The following ERC2 variants were observed in gnomAD, a reference collection of about 807,000 sequenced individuals.
ERC2 encodes the protein ERC protein 2.
A neutral mutation model predicts 114.8 loss-of-function variants in ERC2; 42 were observed. The observed-to-expected ratio is 0.37, with a 90% CI of 0.29 to 0.47. The LOEUF (loss-of-function observed/expected upper bound fraction) is 0.47, where lower values mean the gene tolerates loss of function less well. ERC2 is among the 20% of genes least tolerant of loss of function. The pLI is 0.99. For synonymous variants in ERC2, 454 were observed against 425.5 expected, an observed-to-expected ratio of 1.07 and a Z score of -0.82; for missense variants, 939 against 1,150.7, an observed-to-expected ratio of 0.82 and a Z score of 2.66.
intron 1 of ERC2, among the ~76,000 whole-genome samples, chr3:56,467,774 C>G (rs1440360034): frequency 6.6e-6 from 1 of 151,880 alleles, no homozygotes; most frequent in Non-Finnish European, 1.5e-5. Context: ...GGCGGCCAGC[C>G]ACCCCACCCC....
At chr3:56,207,068 A>G (rs2048778425) in intron 3 of ERC2, among the ~76,000 whole-genome samples, 1 of 152,216 alleles carries the variant, frequency 6.6e-6, no homozygotes, top group Non-Finnish European at 1.5e-5. Flanking sequence ...AAACATGGAG[A>G]TAGGAAGATT....
intron 14 of ERC2, among the ~76,000 whole-genome samples, chr3:55,790,719 CTG>C (rs1272871221): frequency 6.6e-6 from 1 of 152,244 alleles, no homozygotes; most frequent in Non-Finnish European, 1.5e-5. Context: ...CCTAGCCAGA[CTG>C]TGAATTCAGT....
At chr3:56,244,479 G>A (rs1436596153) in intron 3 of ERC2, among the ~76,000 whole-genome samples, 1 of 152,094 alleles carries the variant, frequency 6.6e-6, no homozygotes, top group Admixed American at 6.6e-5. Context: ...CATAGGAGAT[G>A]ACAGCTCCAT....
chr3:55,853,565 G>A (rs1361894114), intron 14 of ERC2, among the ~76,000 whole-genome samples: 1 of 152,052 alleles, frequency 6.6e-6, no homozygotes, highest in African/African-American at 2.4e-5. Context: ...CTAGCACTCA[G>A]GAAATATAAG....
chr3:56,276,074 TAAA>T lies in ERC2; in HGVS notation c.1074+19942_1074+19944del, dbSNP rs2053969797. On this transcript the variant is annotated intron_variant, in intron 3 of 17. Coordinates refer to ENST00000288221, the MANE Select transcript of ERC2 (RefSeq NM_015576.3). ...GCTCTAGTACTTAAGAAATTCTCCA[TAAA>T]GCCTGATAGAAATGTTGATGCCATG... Among the ~76,000 whole-genome samples, 53 of 152,258 alleles carry T rather than the reference TAAA, an allele frequency of 3.5e-4. 1 individual carries two copies. The highest frequency in any genetic ancestry group is 3.5e-3 in the Admixed American group (53 of 15,300).
chr3:55,968,767 A>T (rs1394540038), intron 12 of ERC2, among the ~76,000 whole-genome samples: 2 of 152,240 alleles, frequency 1.3e-5, no homozygotes, highest in Non-Finnish European at 2.9e-5. Flanking sequence ...AAAAATGAAT[A>T]GCTGCTAACT....
Position 55,563,311 on chromosome 3 carries a change from C to T in ERC2, c.*40-52035G>A, listed in dbSNP as rs143984344. 5.6e-3 allele frequency among the ~76,000 whole-genome samples: 840 copies of T among 151,272 alleles called. 10 individuals are homozygous for T. The highest frequency in any genetic ancestry group is 0.019 in the African/African-American group (783 of 41,196). Reference sequence around the variant, plus strand: ...TTTTGCTGAAGAATTGGTGAGTATGCATCCTGAGTGTCTTTCCTTTTTTTT... The same window carrying T: ...TTTTGCTGAAGAATTGGTGAGTATGTATCCTGAGTGTCTTTCCTTTTTTTT... On this transcript the variant is annotated intron_variant, in intron 17 of 17. Coordinates refer to ENST00000288221, the MANE Select transcript of ERC2 (RefSeq NM_015576.3).
intron 13 of ERC2, among the ~76,000 whole-genome samples, chr3:55,923,504 T>C (rs2065559570): frequency 6.6e-6 from 1 of 152,098 alleles, no homozygotes; most frequent in Non-Finnish European, 1.5e-5. Flanking sequence ...GTAAATGTTA[T>C]GTTATATATA....
intron 7 of ERC2, among the ~76,000 whole-genome samples, chr3:56,054,859 A>G (rs972596926): frequency 9.2e-5 from 14 of 152,224 alleles, no homozygotes; most frequent in African/African-American, 3.4e-4. Flanking sequence ...TTCCATTTTT[A>G]TTAAGTCATT....
chr3:56,397,376 A>AAGG (rs1186113988), intron 2 of ERC2, among the ~76,000 whole-genome samples: 1 of 151,430 alleles, frequency 6.6e-6, no homozygotes, highest in Non-Finnish European at 1.5e-5. Context: ...GAAGAAGAAG[A>AAGG]ATTCTCAGTT....
At chr3:55,956,891 C>T (rs895567254) in intron 12 of ERC2, among the ~76,000 whole-genome samples, 7 of 152,034 alleles carry the variant, frequency 4.6e-5, no homozygotes, top group Non-Finnish European at 8.8e-5. Flanking sequence ...GGTCCTTGCT[C>T]CCCTGAGGTG....
chr3:55,692,793 A>G (rs2062732018), intron 16 of ERC2, among the ~76,000 whole-genome samples: 1 of 152,240 alleles, frequency 6.6e-6, no homozygotes, highest in Admixed American at 6.5e-5. Context: ...CACAGAAAGG[A>G]AAAGCAGATT....
chr3:55,778,132 T>C (rs1335883753), intron 14 of ERC2, among the ~76,000 whole-genome samples: 1 of 152,172 alleles, frequency 6.6e-6, no homozygotes, highest in Admixed American at 6.5e-5. Flanking sequence ...GTAGTACCTA[T>C]GATGTAAATG....
intron 10 of ERC2, among the ~76,000 whole-genome samples, chr3:55,999,797 T>C (rs1011803038): frequency 6.6e-6 from 1 of 151,548 alleles, no homozygotes; most frequent in African/African-American, 2.4e-5. Context: ...ATATAAATAG[T>C]TCTAAAATTA....
intron 14 of ERC2, among the ~76,000 whole-genome samples, chr3:55,814,577 A>G (rs2059840289): frequency 6.6e-6 from 1 of 152,250 alleles, no homozygotes; most frequent in South Asian, 2.1e-4. Context: ...GGCATGAAAT[A>G]ACTAGGGAAA....
chr3:55,726,453 A>T (rs891306409), intron 15 of ERC2, among the ~76,000 whole-genome samples: 1 of 152,194 alleles, frequency 6.6e-6, no homozygotes, highest in Non-Finnish European at 1.5e-5. Context: ...GTCTGGCTAA[A>T]CACTCCACTC....
At chr3:55,966,046 T>C (rs1222370377) in intron 12 of ERC2, among the ~76,000 whole-genome samples, 1 of 152,204 alleles carries the variant, frequency 6.6e-6, no homozygotes, top group Non-Finnish European at 1.5e-5. Context: ...GACATATTTT[T>C]CCTAACCCAG....
Position 55,676,078 on chromosome 3 carries a change from G to A in ERC2, c.*39+7716C>T, listed in dbSNP as rs71309919. ...TGGGAATACAGGCATGTGCCACTAC[G>A]CCCAACTAATTTTTTTGCATTTTTA... is the stretch of plus-strand genomic sequence containing the variant. On this transcript the variant is annotated intron_variant, in intron 17 of 17. Transcript: ENST00000288221. Among the ~76,000 whole-genome samples the A allele has an allele frequency of 7.3e-5, 11 of 151,362 alleles. No homozygotes were observed. In the East Asian group the frequency reaches 1.5e-3, roughly 21 times the overall value.
At chr3:55,813,096 C>G (rs548808103) in intron 14 of ERC2, among the ~76,000 whole-genome samples, 2 of 152,228 alleles carry the variant, frequency 1.3e-5, no homozygotes, top group African/African-American at 4.8e-5. Flanking sequence ...ACAGAAAAAC[C>G]AAGTACCTTG....
Sources: gnomAD v4.1 joint callset for allele counts (sites outside exome capture counted in the v4.1 genomes callset) on GRCh38, gnomAD v4.1.1 for gene constraint, MANE v1.5 for transcripts, NCBI Gene and HGNC (gene_info 2026-07-23, HGNC 2026-07-21) for gene names.